Variants in CPEB3 observed in about 807,000 individuals in gnomAD.
CPEB3 encodes cytoplasmic polyadenylation element-binding protein 3.
A neutral mutation model predicts 67.2 loss-of-function variants in CPEB3; 20 were observed. The ratio of observed to expected loss-of-function variants is 0.30; its 90% CI spans 0.21 to 0.43. CPEB3 has a LOEUF of 0.43. CPEB3 is among the 20% of genes least tolerant of loss of function. The probability of loss-of-function intolerance (pLI) is 1.00; values close to 1 mark genes in which losing one functional copy is unlikely to be tolerated. For missense variants in CPEB3, 746 were observed against 968.6 expected, an observed-to-expected ratio of 0.77 and a Z score of 3.05; for synonymous variants, 376 against 393.1, an observed-to-expected ratio of 0.96 and a Z score of 0.51.
chr10:92,201,045 T>C (rs966407099), intron 2 of CPEB3, among the ~76,000 whole-genome samples: 1 of 152,138 alleles, frequency 6.6e-6, no homozygotes, highest in Non-Finnish European at 1.5e-5. Context: ...GTTAAGTACA[T>C]ATGCAATTTA....
intron 7 of CPEB3, among the ~76,000 whole-genome samples, chr10:92,100,143 A>G (rs1844103285): frequency 6.6e-6 from 1 of 152,152 alleles, no homozygotes; most frequent in Non-Finnish European, 1.5e-5. Flanking sequence ...TCAGGAAAAC[A>G]TTTTTGTTGT....
intron 8 of CPEB3, among the ~76,000 whole-genome samples, chr10:92,084,581 T>C (rs1843295616): frequency 1.3e-5 from 2 of 152,102 alleles, no homozygotes; most frequent in Non-Finnish European, 2.9e-5. Context: ...TATTTATTTA[T>C]TTATTTACTT....
chr10:92,110,662 A>G (rs1490913955), intron 7 of CPEB3, among the ~76,000 whole-genome samples: 1 of 152,218 alleles, frequency 6.6e-6, no homozygotes, highest in East Asian at 1.9e-4. Context: ...TGTGGGTACC[A>G]CCCAGCACAA....
chr10:92,105,715 G>T (rs867287096), intron 7 of CPEB3, among the ~76,000 whole-genome samples: 85 of 109,694 alleles, frequency 7.7e-4, no homozygotes, highest in African/African-American at 2.9e-3. Flanking sequence ...TGTTTTGTGG[G>T]TTTTTTTTTT....
At chr10:92,216,518 G>C (rs1344790768) in intron 2 of CPEB3, 11 of 1,612,788 alleles carry the variant, frequency 6.8e-6, no homozygotes, top group Non-Finnish European at 8.5e-7. Flanking sequence ...GATTCGGCGC[G>C]GGGTGAAAGA....
At chr10:92,185,277 C>T (rs1040042751) in intron 3 of CPEB3, among the ~76,000 whole-genome samples, 1 of 152,280 alleles carries the variant, frequency 6.6e-6, no homozygotes, top group Admixed American at 6.5e-5. Context: ...AACTGGAAGG[C>T]ATACTTGGTT....
chr10:92,185,939 T>C (rs1004752610), intron 3 of CPEB3, among the ~76,000 whole-genome samples: 8 of 152,138 alleles, frequency 5.3e-5, no homozygotes, highest in African/African-American at 1.9e-4. Context: ...TAACCAATAA[T>C]CAAAACCTGT....
intron 9 of CPEB3, among the ~76,000 whole-genome samples, chr10:92,072,897 T>C (rs1417939072): frequency 6.6e-6 from 1 of 152,182 alleles, no homozygotes. Flanking sequence ...TCATACAACA[T>C]TGACATTGTC....
In CPEB3 at chr10:92,247,725, C is replaced by G. The variant is rs150288136; in HGVS notation, c.-11-7364G>C. 3.1e-3 allele frequency among the ~76,000 whole-genome samples: 476 copies of G among 152,180 alleles called. 1 individual carries two copies. The Middle Eastern group carries it at 0.048, about 15-fold the overall frequency. ...ACGGGGTTTCACCTTGTTCACCAGG[C>G]TGGTCTCGAACTCTTGACCTCAAGA... On this transcript the variant is annotated intron_variant, in intron 1 of 9. Transcript: ENST00000265997.
rs538191579 is a variant in CPEB3 at position 92,134,248 on chromosome 10, C to T, written c.1453+8781G>A. On this transcript the variant is annotated intron_variant, in intron 6 of 9. Transcript: ENST00000265997. ...AATTGTCCCTGTTTGCAGATGACAT[C>T]ATTGTATATTTAGAAAACCCCATCA... Among the ~76,000 whole-genome samples the T allele has an allele frequency of 5.3e-4, 80 of 152,160 alleles. No homozygotes were observed. The East Asian group carries it at 0.015, about 28-fold the overall frequency.
At chr10:92,143,863 T>C (rs1268366581) in intron 5 of CPEB3, among the ~76,000 whole-genome samples, 4 of 152,212 alleles carry the variant, frequency 2.6e-5, no homozygotes, top group Non-Finnish European at 5.9e-5. Flanking sequence ...TTCAGCTATG[T>C]ATAACTTTAA....
chr10:92,276,382 T>C (rs1841990158), intron 1 of CPEB3, among the ~76,000 whole-genome samples: 1 of 148,532 alleles, frequency 6.7e-6, no homozygotes, highest in Admixed American at 6.8e-5. Context: ...AGTTTCAAGC[T>C]ATTCTCCTGC....
In CPEB3 at chr10:92,058,592, C is replaced by CATAT. The variant is rs58100356; in HGVS notation, c.1870-6157_1870-6154dup. On this transcript the variant is annotated intron_variant, in intron 9 of 9. Coordinates refer to ENST00000265997, the MANE Select transcript of CPEB3 (RefSeq NM_014912.5). The stretch of plus-strand genomic sequence containing the variant: ...ACATACATACATACATACATACATA[C>CATAT]ATATATATATATATATAAATTAATT... 5.7e-3 allele frequency among the ~76,000 whole-genome samples: 801 copies of CATAT among 140,344 alleles called. 4 individuals are homozygous for CATAT. The highest frequency in any genetic ancestry group is 0.021 in the African/African-American group (719 of 34,710). 92.1% of individuals were successfully genotyped at this position (140,344 alleles called of 152,430 possible).
In CPEB3 at chr10:92,194,999, G is replaced by A. The variant is rs1439129424; in HGVS notation, c.1006-2363C>T. Among the ~76,000 whole-genome samples, 15 of 151,116 alleles carry A rather than the reference G, an allele frequency of 9.9e-5. No homozygotes were observed. In the East Asian group the frequency reaches 1.2e-3, roughly 12 times the overall value. Reference sequence around the variant, plus strand: ...GTGGAGCTTGCAGTGAGCCGAGATCGCGCCACTGCACTCCAGCCTGGGCGA... The same window carrying A: ...GTGGAGCTTGCAGTGAGCCGAGATCACGCCACTGCACTCCAGCCTGGGCGA... On this transcript the variant is annotated intron_variant, in intron 2 of 9. Transcript: ENST00000265997.
rs142310600 is a variant in CPEB3, at chr10:92,097,559, T to C, written c.1573-5615A>G. ...GCTTATCTCCAAAGGCAAAATCTTT[T>C]TAGGAATAAAGACAAAAACCAAACA... On this transcript the variant is annotated intron_variant, in intron 7 of 9. Transcript: ENST00000265997. Among the ~76,000 whole-genome samples the C allele has an allele frequency of 9.2e-5, 14 of 152,314 alleles. No individual in the cohort carries two copies. The East Asian group carries it at 2.7e-3, about 29-fold the overall frequency.
chr10:92,127,651 C>G (rs1845664056), intron 6 of CPEB3, among the ~76,000 whole-genome samples: 1 of 152,132 alleles, frequency 6.6e-6, no homozygotes, highest in Non-Finnish European at 1.5e-5. Context: ...TGCACTCCAG[C>G]CTGGGCAACA....
intron 1 of CPEB3, among the ~76,000 whole-genome samples, chr10:92,282,203 TATTTATAAGGAGA>T (rs1554942616): frequency 6.6e-6 from 1 of 152,188 alleles, no homozygotes; most frequent in Non-Finnish European, 1.5e-5. Context: ...TCTCCCACCA[TATTTATAAGGAGA>T]AAGCAAAATT....
Position 92,239,260 on chromosome 10 carries a change from A to G in CPEB3, c.1005+86T>C. On this transcript the variant is annotated intron_variant, in intron 2 of 9. Coordinates refer to ENST00000265997, the MANE Select transcript of CPEB3 (RefSeq NM_014912.5). The surrounding 1 kb of genome is among the most constrained non-coding windows in gnomAD (Gnocchi z 6.0). Reference sequence around the variant, plus strand: ...CTGGACATTGCTGCCCTTTTTAAATATAAGCGGGTGGATGATTAAAAGTCA... The same window carrying G: ...CTGGACATTGCTGCCCTTTTTAAATGTAAGCGGGTGGATGATTAAAAGTCA... 7.0e-7 allele frequency: 1 copy of G among 1,434,326 alleles called. No individual in the cohort carries two copies. Among genetic ancestry groups the G allele is most frequent in the Admixed American group, 2.0e-5 (1 of 48,822 alleles). 88.8% of individuals were successfully genotyped at this position (1,434,326 alleles called of 1,614,324 possible). A position where few individuals can be genotyped will look rare whatever the true frequency, so the allele number is the denominator to read the frequency against.
intron 1 of CPEB3, among the ~76,000 whole-genome samples, chr10:92,246,517 T>TAA (rs1359436308): frequency 8.6e-5 from 13 of 151,736 alleles, no homozygotes; most frequent in African/African-American, 2.9e-4. Context: ...TCAACTTTTT[T>TAA]TTTTTTTTGA....
Sources: allele counts gnomAD v4.1 joint callset (sites outside exome capture counted in the v4.1 genomes callset), GRCh38; gene constraint gnomAD v4.1.1; non-coding constraint Gnocchi (gnomAD v3.1); transcripts MANE v1.5; gene names NCBI Gene and HGNC (gene_info 2026-07-23, HGNC 2026-07-21).